The following C10orf90 variants were observed in gnomAD, a reference collection of about 807,000 sequenced individuals.
C10orf90 encodes the protein chromosome 10 open reading frame 90, also known as (E2-independent) E3 ubiquitin-conjugating enzyme FATS.
C10orf90 carries 56 observed loss-of-function variants against 62.5 expected under a neutral mutation model. The observed-to-expected ratio is 0.90, with a 90% CI of 0.72 to 1.12. The LOEUF is 1.12. Among genes scored for constraint, C10orf90 ranks in the 50% most tolerant of loss-of-function variants. The pLI is 0.00. For missense variants in C10orf90, 970 were observed against 880.4 expected, an observed-to-expected ratio of 1.10 and a Z score of -1.29; for synonymous variants, 386 against 340.4, an observed-to-expected ratio of 1.13 and a Z score of -1.47.
At chr10:126,507,215 G>A (rs1032757766) in intron 3 of C10orf90, among the ~76,000 whole-genome samples, 2 of 151,826 alleles carry the variant, frequency 1.3e-5, no homozygotes, top group African/African-American at 2.4e-5. Context: ...AAATTAGCTG[G>A]GCGTGGTGGC....
chr10:126,502,117 A>G (rs897729893), intron 4 of C10orf90, among the ~76,000 whole-genome samples: 7 of 140,132 alleles, frequency 5.0e-5, no homozygotes, highest in African/African-American at 2.0e-4. Flanking sequence ...ACACACACAC[A>G]CCACACACAC....
intron 2 of C10orf90, among the ~76,000 whole-genome samples, chr10:126,581,949 G>A (rs978919376): frequency 6.6e-6 from 1 of 152,180 alleles, no homozygotes; most frequent in African/African-American, 2.4e-5. Context: ...GATTCGGCGG[G>A]TGGCAGCTGT....
At chr10:126,569,540 A>T (rs1414451188) in intron 2 of C10orf90, among the ~76,000 whole-genome samples, 1 of 152,202 alleles carries the variant, frequency 6.6e-6, no homozygotes, top group Non-Finnish European at 1.5e-5. Context: ...GGCAGGCCAC[A>T]GTTGGGGTAT....
chr10:126,538,360 A>T (rs1591080157), intron 2 of C10orf90, among the ~76,000 whole-genome samples: 1 of 152,210 alleles, frequency 6.6e-6, no homozygotes, highest in South Asian at 2.1e-4. Context: ...AACCATATCA[A>T]TGATGCTTTT....
intron 2 of C10orf90, among the ~76,000 whole-genome samples, chr10:126,633,056 G>A (rs964185703): frequency 1.3e-5 from 2 of 152,152 alleles, no homozygotes; most frequent in Non-Finnish European, 2.9e-5. Context: ...CCTATGCCAG[G>A]TCCTCTGACA....
intron 2 of C10orf90, among the ~76,000 whole-genome samples, chr10:126,522,386 G>C (rs1194498048): frequency 6.6e-6 from 1 of 152,214 alleles, no homozygotes; most frequent in Non-Finnish European, 1.5e-5. Context: ...ATAACTTATT[G>C]CCTTTCCAAT....
chr10:126,648,717 G>T (rs1309905266), intron 1 of C10orf90, among the ~76,000 whole-genome samples: 1 of 152,232 alleles, frequency 6.6e-6, no homozygotes, highest in East Asian at 1.9e-4. Context: ...CAATCAGGTA[G>T]ATCTGGAGGC....
chr10:126,445,826 T>TATATAC (rs57867349), intron 7 of C10orf90, among the ~76,000 whole-genome samples: 38,415 of 144,328 alleles, frequency 0.27, 5,607 homozygotes, highest in South Asian at 0.37. Context: ...TATATATATA[T>TATATAC]ACAATGGAAT....
chr10:126,502,709 G>A (rs1220625152), intron 4 of C10orf90: 10 of 466,654 alleles, frequency 2.1e-5, no homozygotes, highest in East Asian at 1.2e-4. Context: ...ATGCAGTGGT[G>A]TATTTCTGGA....
At chr10:126,467,610 G>T (rs887421109) in intron 4 of C10orf90, among the ~76,000 whole-genome samples, 2 of 152,186 alleles carry the variant, frequency 1.3e-5, no homozygotes, top group African/African-American at 4.8e-5. Context: ...CCCGTCCTGA[G>T]TCTGACACAT....
chr10:126,446,213 C>T (rs568099650), intron 7 of C10orf90, among the ~76,000 whole-genome samples: 190 of 151,784 alleles, frequency 1.3e-3, no homozygotes, highest in African/African-American at 4.3e-3. Context: ...GGACAGAAAG[C>T]TTATTTAAAA....
chr10:126,623,837 T>C (rs1321408445), intron 2 of C10orf90, among the ~76,000 whole-genome samples: 3 of 68,550 alleles, frequency 4.4e-5, no homozygotes, highest in African/African-American at 6.8e-5. Flanking sequence ...CGAGACTCCA[T>C]CTCAAAAAAA....
At chr10:126,479,246 C>T (rs997950522) in intron 4 of C10orf90, among the ~76,000 whole-genome samples, 3 of 152,208 alleles carry the variant, frequency 2.0e-5, no homozygotes, top group African/African-American at 7.2e-5. Context: ...TGATGGGCTT[C>T]CCATGGAGCT....
At chr10:126,658,329 A>C (rs1035317645) in intron 1 of C10orf90, among the ~76,000 whole-genome samples, 1 of 152,246 alleles carries the variant, frequency 6.6e-6, no homozygotes. Context: ...AAGACAGGGC[A>C]ACCCTAGTTC....
intron 2 of C10orf90, among the ~76,000 whole-genome samples, chr10:126,573,838 T>A (rs772639570): frequency 2.6e-5 from 4 of 152,174 alleles, no homozygotes; most frequent in Non-Finnish European, 5.9e-5. Flanking sequence ...TTTGCTTTTT[T>A]TTTTAACCCT....
intron 2 of C10orf90, among the ~76,000 whole-genome samples, chr10:126,631,876 A>G (rs894333357): frequency 6.6e-6 from 1 of 151,950 alleles, no homozygotes. Flanking sequence ...CAGCCTGAGG[A>G]CTAGGTCACG....
intron 2 of C10orf90, among the ~76,000 whole-genome samples, chr10:126,527,542 A>G (rs1863983314): frequency 6.6e-6 from 1 of 152,256 alleles, no homozygotes; most frequent in South Asian, 2.1e-4. Context: ...CTTCAATGGC[A>G]GAGCATTTCT....
chr10:126,500,498 GTTATGAAT>G (rs1315263101), intron 4 of C10orf90, among the ~76,000 whole-genome samples: 1 of 152,200 alleles, frequency 6.6e-6, no homozygotes, highest in African/African-American at 2.4e-5. Context: ...ATATGTTGTG[GTTATGAAT>G]AAGATGATGA....
intron 2 of C10orf90, among the ~76,000 whole-genome samples, chr10:126,528,371 C>T (rs1464193620): frequency 2.6e-5 from 4 of 152,002 alleles, no homozygotes; most frequent in African/African-American, 4.8e-5. Context: ...AAAGGAGAAG[C>T]GTGTGTGGGA....
Sources: gnomAD v4.1 joint callset for allele counts (sites outside exome capture counted in the v4.1 genomes callset) on GRCh38, gnomAD v4.1.1 for gene constraint, MANE v1.5 for transcripts, NCBI Gene and HGNC (gene_info 2026-07-23, HGNC 2026-07-21) for gene names.